The following CTNNA2 variants were observed in gnomAD, a reference collection of about 807,000 sequenced individuals.
CTNNA2 encodes the protein catenin alpha-2.
Under a neutral mutation model 101.0 loss-of-function variants are expected in CTNNA2, and 42 were observed. The ratio of observed to expected loss-of-function variants is 0.42; its 90% CI spans 0.32 to 0.54. The LOEUF is 0.54. Among genes scored for constraint, CTNNA2 ranks in the 20% least tolerant of loss-of-function variants. The probability of loss-of-function intolerance (pLI) is 0.14; values close to 1 mark genes in which losing one functional copy is unlikely to be tolerated. For missense variants in CTNNA2, 871 were observed against 1,223.1 expected (o/e 0.71, Z 4.29); for synonymous variants, 450 against 456.4 (o/e 0.99, Z 0.18).
rs145674960 is a variant in CTNNA2 at position 80,105,406 on chromosome 2, A to C, written c.1056+195609A>C. On this transcript the variant is annotated intron_variant, in intron 7 of 18. Coordinates refer to ENST00000402739, the MANE Select transcript of CTNNA2 (RefSeq NM_001282597.3). The stretch of plus-strand genomic sequence containing the variant: ...CCTAGGCAAAGGGTTTATCAGGTAC[A>C]TAAAGCTTTACCTATCACTGTTAAA... Among the ~76,000 whole-genome samples the C allele has an allele frequency of 4.3e-3, 651 of 152,374 alleles. 5 individuals are homozygous for C. The highest frequency in any genetic ancestry group is 0.014 in the African/African-American group (586 of 41,594).
At chr2:79,630,894 C>T (rs1008608078) in intron 1 of CTNNA2, among the ~76,000 whole-genome samples, 1 of 150,088 alleles carries the variant, frequency 6.7e-6, no homozygotes, top group African/African-American at 2.5e-5. Context: ...GAATAATGTA[C>T]ATTTTATTGT....
At chr2:79,758,354 T>A (rs1672537858) in intron 3 of CTNNA2, among the ~76,000 whole-genome samples, 1 of 152,204 alleles carries the variant, frequency 6.6e-6, no homozygotes, top group Non-Finnish European at 1.5e-5. Context: ...AACCAGGCAG[T>A]CTTCATTAAC....
chr2:79,853,760 C>A (rs1680914753), intron 3 of CTNNA2, among the ~76,000 whole-genome samples: 2 of 151,736 alleles, frequency 1.3e-5, no homozygotes, highest in South Asian at 4.2e-4. Flanking sequence ...CATTCACCTC[C>A]CGGGTTCAAG....
rs1225283665 is a variant in CTNNA2, at chr2:79,473,066, C to T, written c.-134-31988C>T. On this transcript the variant is annotated intron_variant, in intron 4 of 21. Transcript: ENST00000466387. ...TGAGACCTCATGACAATGACCTTGA[C>T]CATCCATGTCTTTGCCAACATTCTG... 6.2e-4 allele frequency among the ~76,000 whole-genome samples: 95 copies of T among 152,154 alleles called. 1 individual carries two copies. The highest frequency in any genetic ancestry group is 6.6e-5 in the Admixed American group (1 of 15,266).
intron 7 of CTNNA2, among the ~76,000 whole-genome samples, chr2:80,231,854 C>T (rs992392553): frequency 6.6e-6 from 1 of 152,128 alleles, no homozygotes; most frequent in African/African-American, 2.4e-5. Context: ...ATCTCCTTCC[C>T]TTACTAGTTT....
intron 7 of CTNNA2, chr2:80,305,255 C>T (rs1676814681): frequency 4.6e-5 from 45 of 985,244 alleles, no homozygotes; most frequent in Non-Finnish European, 5.2e-5. Flanking sequence ...AGGGGAAATG[C>T]TTTCCAAACC....
At chr2:79,907,926 A>G (rs1254457757) in intron 6 of CTNNA2, among the ~76,000 whole-genome samples, 1 of 152,176 alleles carries the variant, frequency 6.6e-6, no homozygotes, top group Admixed American at 6.5e-5. Context: ...TAAGACTTCA[A>G]CATTCTTGTG....
chr2:79,329,705 G>A (rs1448549596), intron 3 of CTNNA2, among the ~76,000 whole-genome samples: 5 of 152,144 alleles, frequency 3.3e-5, no homozygotes, highest in African/African-American at 1.2e-4. Context: ...GGATGTCTCT[G>A]TGTTCTGATG....
At position 80,498,206 on chromosome 2, in the gene CTNNA2, C is replaced by T. The variant is rs183560426; in HGVS notation, c.1291-46776C>T. On this transcript the variant is annotated intron_variant, in intron 9 of 18. Transcript: ENST00000402739. ...TCAAGTAACTCACAAAAGACTTCTC[C>T]GCCTCCCATTATCACAGACTTTCAC... Among the ~76,000 whole-genome samples, 123 of 152,306 alleles carry T rather than the reference C, an allele frequency of 8.1e-4. 1 individual carries two copies. Among genetic ancestry groups the T allele is most frequent in the African/African-American group, 3.1e-4 (13 of 41,576 alleles).
chr2:79,364,532 C>A (rs921563382), intron 3 of CTNNA2, among the ~76,000 whole-genome samples: 2 of 152,254 alleles, frequency 1.3e-5, no homozygotes, highest in South Asian at 2.1e-4. Flanking sequence ...ATTCTCTTCA[C>A]CTTTGACGAG....
intron 14 of CTNNA2, among the ~76,000 whole-genome samples, chr2:80,586,841 C>T (rs1419036129): frequency 6.6e-6 from 1 of 152,150 alleles, no homozygotes; most frequent in Non-Finnish European, 1.5e-5. Context: ...ATACATGTAT[C>T]CATGGAAGTC....
intron 7 of CTNNA2, among the ~76,000 whole-genome samples, chr2:80,122,305 CCT>C (rs1451562055): frequency 6.6e-6 from 1 of 150,742 alleles, no homozygotes; most frequent in African/African-American, 2.4e-5. Context: ...ATCTCTCTTC[CCT>C]CTCTCTGTTT....
chr2:79,265,416 C>T (rs1221376503), intron 2 of CTNNA2, among the ~76,000 whole-genome samples: 1 of 152,110 alleles, frequency 6.6e-6, no homozygotes, highest in Non-Finnish European at 1.5e-5. Context: ...CTGCTTAGTA[C>T]TGTCTAGAAA....
intron 2 of CTNNA2, among the ~76,000 whole-genome samples, chr2:79,737,752 G>A (rs1260072693): frequency 6.6e-6 from 1 of 152,150 alleles, no homozygotes; most frequent in Non-Finnish European, 1.5e-5. Flanking sequence ...TCAGCTGGCT[G>A]CCCCATAGGT....
chr2:80,099,486 A>G (rs1700400835), intron 7 of CTNNA2, among the ~76,000 whole-genome samples: 1 of 152,190 alleles, frequency 6.6e-6, no homozygotes, highest in Non-Finnish European at 1.5e-5. Context: ...CAATTGAAGC[A>G]ACCAATTTCA....
At chr2:80,250,204 AGTGT>A (rs56664173) in intron 7 of CTNNA2, among the ~76,000 whole-genome samples, 27 of 96,498 alleles carry the variant, frequency 2.8e-4, no homozygotes, top group Non-Finnish European at 4.6e-4. Context: ...AGAGAGAGAG[AGTGT>A]GTGTGTGTGT....
intron 6 of CTNNA2, among the ~76,000 whole-genome samples, chr2:79,882,702 A>ACC (rs1683537689): frequency 6.6e-6 from 1 of 152,250 alleles, no homozygotes; most frequent in Non-Finnish European, 1.5e-5. Flanking sequence ...TGGCTTAGAC[A>ACC]GCAGGCAGCC....
chr2:79,275,777 T>C (rs1466890397), intron 2 of CTNNA2, among the ~76,000 whole-genome samples: 1 of 152,008 alleles, frequency 6.6e-6, no homozygotes, highest in East Asian at 1.9e-4. Flanking sequence ...ATTCCTCCTA[T>C]GCATTGGGCA....
At chr2:79,673,979 G>A (rs1032016061) in intron 2 of CTNNA2, among the ~76,000 whole-genome samples, 1 of 152,166 alleles carries the variant, frequency 6.6e-6, no homozygotes, top group African/African-American at 2.4e-5. Flanking sequence ...ATCTGTGTTG[G>A]AAGTTGTGAG....
Sources: gnomAD v4.1 joint callset for allele counts (sites outside exome capture counted in the v4.1 genomes callset) on GRCh38, gnomAD v4.1.1 for gene constraint, MANE v1.5 for transcripts, NCBI Gene and HGNC (gene_info 2026-07-23, HGNC 2026-07-21) for gene names.